The following PWWP2B variants were observed in gnomAD, a reference collection of about 807,000 sequenced individuals.
PWWP2B encodes PWWP domain-containing protein 2B.
In PWWP2B, 9 loss-of-function variants were observed where a neutral mutation model predicts 15.5. The observed-to-expected ratio is 0.58, with a 90% CI of 0.35 to 1.02. The LOEUF is 1.02. Ranked by LOEUF, PWWP2B falls within the 50% of genes least tolerant of loss-of-function variation. PWWP2B has a pLI of 0.02. For synonymous variants in PWWP2B, 474 were observed against 403.6 expected (o/e 1.17, Z -2.09); for missense variants, 864 against 865.3 (o/e 1.00, Z 0.02).
In PWWP2B at chr10:132,404,786, A is replaced by ACC; in HGVS notation, c.287_288dup (p.Thr97ProfsTer90). 2 of 1,460,274 alleles carry ACC rather than the reference A, an allele frequency of 1.4e-6. No homozygotes were observed. Among genetic ancestry groups the ACC allele is most frequent in the Non-Finnish European group, 1.9e-6 (2 of 1,076,454 alleles). The allele number at this position is 1,460,274 out of a possible 1,614,324, so 90.5% of individuals were successfully genotyped here. On this transcript the variant is annotated frameshift_variant, in exon 2 of 3. Coordinates refer to ENST00000305233, the MANE Select transcript of PWWP2B (RefSeq NM_138499.4). LOFTEE classifies it high-confidence loss of function. ...TGCCCGCGGGGTTCAGCCCCCCGAG[A>ACC]CCACCCGCCCCGAGCCACCCCCGCC...
In PWWP2B at chr10:132,407,898, T is replaced by C. The variant is rs545671410; in HGVS notation, c.*16+1609T>C. Among the ~76,000 whole-genome samples the C allele has an allele frequency of 2.6e-5, 4 of 152,240 alleles. No homozygotes were observed. The South Asian group carries it at 6.2e-4, about 24-fold the overall frequency. On this transcript the variant is annotated intron_variant, in intron 2 of 2. Coordinates refer to ENST00000305233, the MANE Select transcript of PWWP2B (RefSeq NM_138499.4). ...TCCCGTCTGCTGTCCTGGGGGGCCCTCCCCGAGTTCTGGACTCAGGCATTT... is the reference window on the plus strand; with the variant it reads ...TCCCGTCTGCTGTCCTGGGGGGCCCCCCCCGAGTTCTGGACTCAGGCATTT...
chr10:132,406,084 C>G lies in PWWP2B; in HGVS notation c.1584C>G (p.Val528=), dbSNP rs769084183. Residue 528 remains valine, a synonymous_variant, in exon 2 of 3, where the codon GTC becomes GTG. Coordinates refer to ENST00000305233, the MANE Select transcript of PWWP2B (RefSeq NM_138499.4). The part of the protein sequence containing the change: ...DGEPSWREAK[V]SWFGSPTTSF... ...AGCCGTCTTGGCGAGAAGCGAAGGTCTCGTGGTTTGGTTCTCCGACTACGT... is the reference window on the plus strand; with the variant it reads ...AGCCGTCTTGGCGAGAAGCGAAGGTGTCGTGGTTTGGTTCTCCGACTACGT... 1.2e-6 allele frequency: 2 copies of G among 1,613,712 alleles called. No individual in the cohort carries two copies. Among genetic ancestry groups the G allele is most frequent in the African/African-American group, 1.3e-5 (1 of 75,062 alleles).
intron 2 of PWWP2B, among the ~76,000 whole-genome samples, chr10:132,415,424 C>T (rs941502736): frequency 2.0e-5 from 3 of 149,652 alleles, no homozygotes; most frequent in Admixed American, 6.7e-5. Flanking sequence ...CATTTACACA[C>T]GCACACATGC....
intron 2 of PWWP2B, among the ~76,000 whole-genome samples, chr10:132,413,537 T>C (rs1336045808): frequency 6.6e-6 from 1 of 152,228 alleles, no homozygotes; most frequent in Non-Finnish European, 1.5e-5. Context: ...CTTCATTCAC[T>C]TTCTATTTTT....
At chr10:132,406,320 C>G (rs778241534) in intron 2 of PWWP2B, 31 bp downstream of exon 2, 20 of 1,543,880 alleles carry the variant, frequency 1.3e-5, no homozygotes, top group Admixed American at 5.4e-5. Context: ...CTCCTTCCCC[C>G]CAGCGGCCCA....
At chr10:132,412,060 G>A (rs566616564) in intron 2 of PWWP2B, among the ~76,000 whole-genome samples, 2 of 152,324 alleles carry the variant, frequency 1.3e-5, no homozygotes, top group Non-Finnish European at 2.9e-5. Flanking sequence ...CCCAGCAGCC[G>A]GGCAGCCGGT....
chr10:132,403,734 G>T (rs1293732475), intron 1 of PWWP2B, among the ~76,000 whole-genome samples: 1 of 152,264 alleles, frequency 6.6e-6, no homozygotes, highest in African/African-American at 2.4e-5. Flanking sequence ...TTACAACTGG[G>T]ATTGGTGTCC....
chr10:132,414,095 C>T (rs1400081192), intron 2 of PWWP2B, among the ~76,000 whole-genome samples: 2 of 152,312 alleles, frequency 1.3e-5, no homozygotes, highest in African/African-American at 2.4e-5. Context: ...GTAGGAGAGA[C>T]GTGAGGAGCG....
At position 132,411,102 on chromosome 10, in the gene PWWP2B, G is replaced by A. The variant is rs7076613; in HGVS notation, c.*16+4813G>A. Reference sequence around the variant, plus strand: ...ACACTGGGGCTCTGAGACCACAGGCGTTTATTCCCACGCCTCTGGGGGTCA... The same window carrying A: ...ACACTGGGGCTCTGAGACCACAGGCATTTATTCCCACGCCTCTGGGGGTCA... On this transcript the variant is annotated intron_variant, in intron 2 of 2. Coordinates refer to ENST00000305233, the MANE Select transcript of PWWP2B (RefSeq NM_138499.4). Among the ~76,000 whole-genome samples, 719 of 152,306 alleles carry A rather than the reference G, an allele frequency of 4.7e-3. 3 individuals carry two copies. Among genetic ancestry groups the A allele is most frequent in the Non-Finnish European group, 4.7e-3 (319 of 68,028 alleles).
intron 2 of PWWP2B, among the ~76,000 whole-genome samples, chr10:132,411,963 G>A (rs529978824): frequency 6.6e-6 from 1 of 152,372 alleles, no homozygotes; most frequent in East Asian, 1.9e-4. Flanking sequence ...CCACGTGAAG[G>A]TTGTAATTAT....
intron 1 of PWWP2B, among the ~76,000 whole-genome samples, chr10:132,401,708 C>T (rs1382007446): frequency 2.6e-5 from 4 of 152,266 alleles, no homozygotes; most frequent in Non-Finnish European, 1.5e-5. Context: ...CTGGAGACCC[C>T]CGTGGGTACC....
chr10:132,416,919 G>A (rs1247731180), intron 2 of PWWP2B, 142 bp from the exon 3 acceptor site: 4 of 818,394 alleles, frequency 4.9e-6, no homozygotes, highest in African/African-American at 1.7e-5. Flanking sequence ...AAGGAGGGCC[G>A]GCAGGAGCTG....
At chr10:132,411,617 G>A (rs1031175644) in intron 2 of PWWP2B, among the ~76,000 whole-genome samples, 1 of 152,210 alleles carries the variant, frequency 6.6e-6, no homozygotes, top group African/African-American at 2.4e-5. Context: ...AGCATGGGCC[G>A]CTTCCGACCT....
intron 2 of PWWP2B, among the ~76,000 whole-genome samples, chr10:132,410,091 C>A (rs192472610): frequency 6.6e-6 from 1 of 152,176 alleles, no homozygotes; most frequent in Non-Finnish European, 1.5e-5. Flanking sequence ...TTAAAAAAAT[C>A]TGATAGCTTT....
At position 132,411,770 on chromosome 10, in the gene PWWP2B, C is replaced by T. The variant is rs139554545; in HGVS notation, c.*17-5291C>T. 2.3e-3 allele frequency among the ~76,000 whole-genome samples: 356 copies of T among 152,370 alleles called. 2 individuals are homozygous for T. Among genetic ancestry groups the T allele is most frequent in the Non-Finnish European group, 2.3e-3 (158 of 68,032 alleles). ...ACTGGAGTCTCCGGGCCAGAAGCAG[C>T]GACGCCGCCGTCTCCAGGCTTCGGC... On this transcript the variant is annotated intron_variant, in intron 2 of 2. Coordinates refer to ENST00000305233, the MANE Select transcript of PWWP2B (RefSeq NM_138499.4).
intron 2 of PWWP2B, among the ~76,000 whole-genome samples, 179 bp downstream of exon 2, chr10:132,406,468 G>C (rs1369071580): frequency 6.6e-6 from 1 of 152,250 alleles, no homozygotes; most frequent in African/African-American, 2.4e-5. Context: ...TGCCATCTGC[G>C]CTTCTGATTC....
chr10:132,415,330 C>A (rs57025567), intron 2 of PWWP2B, among the ~76,000 whole-genome samples: 20,408 of 137,252 alleles, frequency 0.15, 2,120 homozygotes, highest in African/African-American at 0.31. Context: ...ACACACCCCC[C>A]CACACACATA....
Position 132,404,689 on chromosome 10 carries a change from C to G in PWWP2B, c.189C>G (p.Asn63Lys). ...CCCAGGTCGATGAGTCCCCTGTCAA[C>G]GACAGCCATGGCCGGGCTCCCGAGG... is the stretch of plus-strand genomic sequence containing the variant. ...PLPQVDESPV[N>K]DSHGRAPEEG... The change falls in exon 2 of 3, where the codon AAC becomes AAG. Residue 63 changes from asparagine to lysine, a missense_variant. Asn to Lys is a moderately conservative substitution (Grantham distance 94). Coordinates refer to ENST00000305233, the MANE Select transcript of PWWP2B (RefSeq NM_138499.4). The G allele has an allele frequency of 1.2e-6, 2 of 1,612,648 alleles. No individual in the cohort carries two copies. Among genetic ancestry groups the G allele is most frequent in the Non-Finnish European group, 1.7e-6 (2 of 1,179,848 alleles).
At chr10:132,399,983 C>T (rs1481163018) in intron 1 of PWWP2B, among the ~76,000 whole-genome samples, 1 of 152,188 alleles carries the variant, frequency 6.6e-6, no homozygotes, top group African/African-American at 2.4e-5. Flanking sequence ...AGGGGACTGT[C>T]CTCTGTGAAC....
Sources: allele counts gnomAD v4.1 joint callset (sites outside exome capture counted in the v4.1 genomes callset), GRCh38; gene constraint gnomAD v4.1.1; transcripts MANE v1.5; gene names NCBI Gene and HGNC (gene_info 2026-07-23, HGNC 2026-07-21).